PDE1C: variants seen among roughly 807,000 people sequenced by gnomAD.
The protein encoded by PDE1C is dual specificity calcium/calmodulin-dependent 3',5'-cyclic nucleotide phosphodiesterase 1C.
Under a neutral mutation model 93.1 loss-of-function variants are expected in PDE1C, and 62 were observed. The ratio of observed to expected loss-of-function variants is 0.67; its 90% CI spans 0.54 to 0.82. PDE1C has a LOEUF of 0.82. PDE1C is among the 40% of genes least tolerant of loss of function. The probability of loss-of-function intolerance (pLI) is 0.00; values close to 1 mark genes in which losing one functional copy is unlikely to be tolerated. For missense variants in PDE1C, 742 were observed against 884.6 expected (o/e 0.84, Z 2.04); for synonymous variants, 325 against 310.1 (o/e 1.05, Z -0.50).
chr7:31,899,408 G>C (rs891083388), intron 2 of PDE1C, among the ~76,000 whole-genome samples: 4 of 152,082 alleles, frequency 2.6e-5, no homozygotes, highest in African/African-American at 9.7e-5. Flanking sequence ...AAAGTGCTGG[G>C]ATTACAGGCG....
chr7:32,017,968 T>C (rs1244887038), intron 2 of PDE1C, among the ~76,000 whole-genome samples: 1 of 151,892 alleles, frequency 6.6e-6, no homozygotes, highest in African/African-American at 2.4e-5. Context: ...TGGTCCCTGC[T>C]ACTTGGGAGG....
chr7:32,392,847 G>T (rs1784774889), intron 1 of PDE1C, among the ~76,000 whole-genome samples: 1 of 151,910 alleles, frequency 6.6e-6, no homozygotes, highest in South Asian at 2.1e-4. Flanking sequence ...TCAGGAGTTC[G>T]AGACCAGGCT....
At chr7:32,076,025 G>A (rs1166520446), upstream of PDE1C, among the ~76,000 whole-genome samples, 3 of 152,152 alleles carry the variant, frequency 2.0e-5, no homozygotes, top group Admixed American at 6.5e-5. Flanking sequence ...GGCATGGTTA[G>A]TCTGGCCTGG....
the PDE1C span, among the ~76,000 whole-genome samples, chr7:31,704,611 G>T: frequency 1.3e-5 from 2 of 152,224 alleles, no homozygotes; most frequent in Admixed American, 1.3e-4. Flanking sequence ...CCTACAATGT[G>T]AAATATGCGG....
At chr7:32,296,034 G>T (rs1812595644) in intron 1 of PDE1C, among the ~76,000 whole-genome samples, 1 of 151,752 alleles carries the variant, frequency 6.6e-6, no homozygotes, top group African/African-American at 2.4e-5. Context: ...TTTATATATA[G>T]CATGAAACAA....
chr7:31,643,203 T>C, the PDE1C span: 7 of 1,613,870 alleles, frequency 4.3e-6, no homozygotes, highest in Admixed American at 5.0e-5. Context: ...AGTTCCTTCA[T>C]GTTGACTCTG....
chr7:31,712,031 G>A, the PDE1C span, among the ~76,000 whole-genome samples: 1,005 of 152,264 alleles, frequency 6.6e-3, 8 homozygotes, highest in African/African-American at 0.023. Flanking sequence ...CCACTTTCTC[G>A]AGGAGAAACT....
At chr7:31,738,419 C>T in the PDE1C span, among the ~76,000 whole-genome samples, 1 of 152,222 alleles carries the variant, frequency 6.6e-6, no homozygotes, top group Non-Finnish European at 1.5e-5. Flanking sequence ...ATTTATAAAA[C>T]CATTAGATCT....
At chr7:31,760,526 C>T (rs1481357248) in intron 17 of PDE1C, among the ~76,000 whole-genome samples, 1 of 152,138 alleles carries the variant, frequency 6.6e-6, no homozygotes, top group Middle Eastern at 3.2e-3. Flanking sequence ...CCCCACACTG[C>T]AGTGCAGCAG....
At chr7:31,986,738 G>A (rs969473446) in intron 2 of PDE1C, among the ~76,000 whole-genome samples, 13 of 152,070 alleles carry the variant, frequency 8.5e-5, no homozygotes, top group Non-Finnish European at 1.5e-4. Flanking sequence ...CAGGGTCGAT[G>A]GAAGGAGCAT....
chr7:31,685,784 C>T, the PDE1C span, among the ~76,000 whole-genome samples: 2 of 152,176 alleles, frequency 1.3e-5, no homozygotes, highest in South Asian at 4.1e-4. Flanking sequence ...TAGGCCCTGT[C>T]CCTCAACATC....
chr7:32,190,527 A>G (rs1804165394), intron 2 of PDE1C, among the ~76,000 whole-genome samples: 1 of 152,216 alleles, frequency 6.6e-6, no homozygotes, highest in South Asian at 2.1e-4. Flanking sequence ...TAAATTAATA[A>G]TGCATCTGAA....
intron 1 of PDE1C, among the ~76,000 whole-genome samples, chr7:32,283,270 A>T (rs1427232044): frequency 1.1e-4 from 16 of 152,212 alleles, no homozygotes; most frequent in Admixed American, 1.0e-3. Context: ...GGGAAAAATA[A>T]ACTACAATAC....
intron 2 of PDE1C, among the ~76,000 whole-genome samples, chr7:32,187,018 G>A (rs1803927259): frequency 6.6e-6 from 1 of 152,110 alleles, no homozygotes; most frequent in Non-Finnish European, 1.5e-5. Context: ...GTAATTACCT[G>A]AAACATTCTT....
intron 11 of PDE1C, among the ~76,000 whole-genome samples, chr7:31,831,159 A>C (rs1354822961): frequency 6.6e-6 from 1 of 152,226 alleles, no homozygotes; most frequent in Non-Finnish European, 1.5e-5. Context: ...TGAACAAAGC[A>C]CAGCAATGTA....
chr7:31,986,920 T>C lies in PDE1C; in HGVS notation c.128+64634A>G, dbSNP rs548513169. Among the ~76,000 whole-genome samples the C allele has an allele frequency of 1.1e-3, 161 of 140,264 alleles. 1 individual carries two copies. Among genetic ancestry groups the C allele is most frequent in the African/African-American group, 2.2e-3 (82 of 36,866 alleles). The allele number at this position is 140,264 out of a possible 152,430, so 92.0% of individuals were successfully genotyped here. A position where few individuals can be genotyped will look rare whatever the true frequency, so the allele number is the denominator to read the frequency against. ...GTCTATAACACTTATAGAGTTTTCATTGAACACGAACACACACACACACAC... is the reference window on the plus strand; with the variant it reads ...GTCTATAACACTTATAGAGTTTTCACTGAACACGAACACACACACACACAC... On this transcript the variant is annotated intron_variant, in intron 2 of 17. Coordinates refer to ENST00000396191, the MANE Select transcript of PDE1C (RefSeq NM_001191057.4).
intron 7 of PDE1C, among the ~76,000 whole-genome samples, chr7:31,854,526 G>A (rs1200626946): frequency 6.6e-6 from 1 of 152,284 alleles, no homozygotes; most frequent in African/African-American, 2.4e-5. Flanking sequence ...GGTAATTGGG[G>A]ACCTTGAGTT....
At chr7:31,726,450 T>C in the PDE1C span, among the ~76,000 whole-genome samples, 1 of 152,164 alleles carries the variant, frequency 6.6e-6, no homozygotes, top group Non-Finnish European at 1.5e-5. Flanking sequence ...CAGCCTCTTA[T>C]ATTGGGGGCT....
chr7:32,360,911 A>T (rs1445423904), intron 1 of PDE1C, among the ~76,000 whole-genome samples: 1 of 152,220 alleles, frequency 6.6e-6, no homozygotes, highest in Non-Finnish European at 1.5e-5. Flanking sequence ...GCTAACACTA[A>T]GTGAGCACTT....
Sources: allele counts gnomAD v4.1 joint callset (sites outside exome capture counted in the v4.1 genomes callset), GRCh38; gene constraint gnomAD v4.1.1; transcripts MANE v1.5; gene names NCBI Gene and HGNC (gene_info 2026-07-23, HGNC 2026-07-21).